Variants in CCDC158 observed in about 807,000 individuals in gnomAD.
CCDC158 encodes the protein coiled-coil domain containing 158, also known as coiled-coil domain-containing protein 158.
In CCDC158, 116 loss-of-function variants were observed where a neutral mutation model predicts 138.6. The observed-to-expected ratio is 0.84, with a 90% CI of 0.72 to 0.98. CCDC158 has a LOEUF of 0.98. Ranked by LOEUF, CCDC158 falls within the 50% of genes least tolerant of loss-of-function variation. The pLI, the probability that CCDC158 is intolerant of heterozygous loss-of-function variation, is 0.00. For synonymous variants in CCDC158, 436 were observed against 442.4 expected, an observed-to-expected ratio of 0.99 and a Z score of 0.18; for missense variants, 1,265 against 1,306.1, an observed-to-expected ratio of 0.97 and a Z score of 0.48.
chr4:76,363,877 G>A (rs1187680276), intron 12 of CCDC158, among the ~76,000 whole-genome samples: 1 of 152,140 alleles, frequency 6.6e-6, no homozygotes, highest in East Asian at 1.9e-4. Context: ...TGGTTGGCGT[G>A]GGGGTAGGGG....
intron 1 of CCDC158, among the ~76,000 whole-genome samples, chr4:76,416,571 G>A (rs1729719001): frequency 1.3e-5 from 2 of 152,180 alleles, no homozygotes; most frequent in South Asian, 4.1e-4. Context: ...TTTGTGGGCT[G>A]AGCCCAGGGT....
At chr4:76,402,771 G>T (rs1440102571) in intron 3 of CCDC158, among the ~76,000 whole-genome samples, 1 of 151,166 alleles carries the variant, frequency 6.6e-6, no homozygotes, top group Non-Finnish European at 1.5e-5. Flanking sequence ...AATCAGCAGG[G>T]CCTCAGTACC....
At chr4:76,339,586 G>T (rs911151921) in intron 18 of CCDC158, among the ~76,000 whole-genome samples, 2 of 152,218 alleles carry the variant, frequency 1.3e-5, no homozygotes, top group Admixed American at 6.5e-5. Flanking sequence ...TGCTTTTACT[G>T]CCAGCCAACA....
intron 23 of CCDC158, 103 bp downstream of exon 23, chr4:76,325,754 C>T (rs1236900998): frequency 2.1e-5 from 19 of 926,646 alleles, no homozygotes; most frequent in Middle Eastern, 2.3e-4. Context: ...AGAGCTTACA[C>T]ATAAGAGCAG....
At chr4:76,371,273 G>A (rs1354404551) in intron 10 of CCDC158, 144 bp downstream of exon 10, 3 of 799,296 alleles carry the variant, frequency 3.8e-6, no homozygotes, top group Non-Finnish European at 5.8e-6. Flanking sequence ...TGCAAAACTT[G>A]AATTGTGTCT....
In CCDC158 at chr4:76,384,177, G is replaced by A. The variant is rs367601764; in HGVS notation, c.637C>T (p.Leu213=). The change falls in exon 6 of 25, where the codon CTG becomes TTG. Residue 213 remains leucine, a synonymous_variant. Coordinates refer to ENST00000682701, the MANE Select transcript of CCDC158 (RefSeq NM_001394954.1). ...KICEHDSMST[L]HFRSLGSAIS... ...GCTGAGCCCAAGCTGCGGAAGTGCA[G>A]AGTAGACATGCTGTCATGTTCACAT... 3.7e-6 allele frequency: 6 copies of A among 1,614,082 alleles called. No homozygotes were observed. The African/African-American group carries it at 8.0e-5, about 22-fold the overall frequency.
intron 18 of CCDC158, among the ~76,000 whole-genome samples, chr4:76,340,157 C>T (rs1302736324): frequency 1.3e-5 from 2 of 152,170 alleles, no homozygotes; most frequent in African/African-American, 4.8e-5. Flanking sequence ...GATAAAGGGG[C>T]TGCATTCAAA....
At chr4:76,384,820 C>T (rs1726639784) in intron 4 of CCDC158, among the ~76,000 whole-genome samples, 155 bp from the exon 5 acceptor site, 1 of 152,190 alleles carries the variant, frequency 6.6e-6, no homozygotes, top group African/African-American at 2.4e-5. Context: ...TAATTTCTCG[C>T]TTAGATTATG....
chr4:76,314,958 G>A (rs1304336828), intron 24 of CCDC158, among the ~76,000 whole-genome samples: 2 of 152,184 alleles, frequency 1.3e-5, no homozygotes, highest in African/African-American at 2.4e-5. Flanking sequence ...AGACAGGAAG[G>A]GGCAGGTGAG....
chr4:76,334,347 A>T (rs150245042), intron 18 of CCDC158, among the ~76,000 whole-genome samples, 180 bp from the exon 19 acceptor site: 1 of 152,360 alleles, frequency 6.6e-6, no homozygotes, highest in Non-Finnish European at 1.5e-5. Flanking sequence ...TAATCAATAG[A>T]GTACTATATC....
At chr4:76,399,528 G>GAATC (rs1470561391) in intron 3 of CCDC158, among the ~76,000 whole-genome samples, 1 of 152,046 alleles carries the variant, frequency 6.6e-6, no homozygotes, top group African/African-American at 2.4e-5. Flanking sequence ...AGCAGAGGGG[G>GAATC]AATCTGGCTA....
intron 13 of CCDC158, among the ~76,000 whole-genome samples, chr4:76,359,686 G>T (rs148203546): frequency 7.2e-5 from 11 of 152,318 alleles, no homozygotes; most frequent in Non-Finnish European, 1.5e-4. Context: ...AAGCAGCAAA[G>T]TGTTCAAGAT....
At chr4:76,421,733 G>A (rs2109949665), upstream of CCDC158, 1 of 128,632 alleles carries the variant, frequency 7.8e-6, no homozygotes, top group South Asian at 2.6e-4. Flanking sequence ...CAAGTTAACA[G>A]AATTCACATT....
intron 1 of CCDC158, among the ~76,000 whole-genome samples, chr4:76,416,468 C>T (rs1348969944): frequency 1.3e-5 from 2 of 152,186 alleles, no homozygotes; most frequent in Non-Finnish European, 2.9e-5. Context: ...TGTTAATCCC[C>T]AAGACCATGG....
chr4:76,416,200 A>G (rs1003523518), intron 1 of CCDC158, among the ~76,000 whole-genome samples: 2 of 152,096 alleles, frequency 1.3e-5, no homozygotes, highest in African/African-American at 4.8e-5. Flanking sequence ...TGTCCAGTGG[A>G]CATGGGACCC....
At chr4:76,409,634 A>G (rs1729130015) in intron 2 of CCDC158, among the ~76,000 whole-genome samples, 1 of 152,086 alleles carries the variant, frequency 6.6e-6, no homozygotes, top group Admixed American at 6.5e-5. Context: ...GATAGAGACC[A>G]TCCTGGCTAA....
chr4:76,386,005 T>C (rs1303037442), intron 4 of CCDC158, among the ~76,000 whole-genome samples: 4 of 152,216 alleles, frequency 2.6e-5, no homozygotes, highest in Non-Finnish European at 5.9e-5. Context: ...ACCGAGCCAA[T>C]TATCAATGAA....
intron 9 of CCDC158, chr4:76,375,597 T>A (rs928344020): frequency 1.4e-6 from 1 of 703,032 alleles, no homozygotes; most frequent in Admixed American, 2.0e-5. Flanking sequence ...CATCAGGAGA[T>A]ATTTTTGTTG....
chr4:76,417,258 C>G lies in CCDC158; in HGVS notation c.-117+3707G>C, dbSNP rs371499932. ...CTCCTATTTAGAATGGCTATATGTA[C>G]CCAATACCTGTACCCTCATTGTATC... is the stretch of plus-strand genomic sequence containing the variant. On this transcript the variant is annotated intron_variant, in intron 1 of 24. Transcript: ENST00000682701. Among the ~76,000 whole-genome samples the G allele has an allele frequency of 2.1e-4, 32 of 152,282 alleles. No individual in the cohort carries two copies. In the South Asian group the frequency reaches 6.2e-3, roughly 30 times the overall value.
Sources: allele counts gnomAD v4.1 joint callset (sites outside exome capture counted in the v4.1 genomes callset), GRCh38; gene constraint gnomAD v4.1.1; transcripts MANE v1.5; gene names NCBI Gene and HGNC (gene_info 2026-07-23, HGNC 2026-07-21).